The following CHRNB4 variants were observed in gnomAD, a reference collection of about 807,000 sequenced individuals.
CHRNB4 encodes neuronal acetylcholine receptor subunit beta-4.
In CHRNB4, 23 loss-of-function variants were observed where a neutral mutation model predicts 40.4. That is an observed-to-expected ratio of 0.57 (90% CI 0.41 to 0.81). The LOEUF (loss-of-function observed/expected upper bound fraction) is 0.81. CHRNB4 is among the 30% of genes least tolerant of loss of function. CHRNB4 has a pLI of 0.00. For missense variants in CHRNB4, 568 were observed against 670.6 expected (o/e 0.85, Z 1.69); for synonymous variants, 285 against 274.4 (o/e 1.04, Z -0.38).
At chr15:78,639,102 C>G (rs1231906627) in intron 1 of CHRNB4, among the ~76,000 whole-genome samples, 1 of 152,102 alleles carries the variant, frequency 6.6e-6, no homozygotes, top group Non-Finnish European at 1.5e-5. Flanking sequence ...AAAGGTATAT[C>G]CAATCTAAAA....
At chr15:78,637,106 T>G (rs1208585726) in intron 1 of CHRNB4, among the ~76,000 whole-genome samples, 1 of 152,152 alleles carries the variant, frequency 6.6e-6, no homozygotes, top group Non-Finnish European at 1.5e-5. Flanking sequence ...ATCTGGAGCT[T>G]CGAGGAGAGG....
At chr15:78,641,056 C>T in intron 1 of CHRNB4, 23 bp downstream of exon 1, 4 of 1,563,874 alleles carry the variant, frequency 2.6e-6, no homozygotes, top group Non-Finnish European at 3.5e-6. Context: ...GCGCCCCTCC[C>T]TCCTTCCCCG....
chr15:78,651,965 AAT>A (rs2054176055), intron 6 of CHRNB4, among the ~76,000 whole-genome samples: 1 of 152,230 alleles, frequency 6.6e-6, no homozygotes, highest in East Asian at 1.9e-4. Context: ...AGGAAGCCAC[AAT>A]ATACCTGGTA....
exon 4 of CHRNB4, chr15:78,656,618 G>C (rs2054216076): frequency 6.6e-6 from 1 of 152,134 alleles, no homozygotes; most frequent in African/African-American, 2.4e-5. Flanking sequence ...AGGGATGTTG[G>C]GAGCACCCAG....
chr15:78,654,843 C>A (rs992500773), intron 5 of CHRNB4, among the ~76,000 whole-genome samples: 9 of 152,168 alleles, frequency 5.9e-5, no homozygotes, highest in Non-Finnish European at 1.3e-4. Context: ...TTACCAGCAC[C>A]CTAAAAGACC....
At chr15:78,646,774 G>C (rs190917119) in intron 7 of CHRNB4, among the ~76,000 whole-genome samples, 1 of 152,294 alleles carries the variant, frequency 6.6e-6, no homozygotes, top group East Asian at 1.9e-4. Flanking sequence ...TGGAGGCCAG[G>C]ATTTCAACAT....
intron 5 of CHRNB4, chr15:78,655,458 C>T (rs1381467747): frequency 2.9e-5 from 2 of 68,830 alleles, no homozygotes; most frequent in African/African-American, 4.3e-5. Context: ...CTATATATAT[C>T]TATATATCTA....
upstream of CHRNB4, among the ~76,000 whole-genome samples, chr15:78,645,382 G>A (rs2054114655): frequency 1.3e-5 from 2 of 152,106 alleles, no homozygotes; most frequent in African/African-American, 4.8e-5. Flanking sequence ...GGCATGCCAT[G>A]TCTCTTGTTT....
intron 1 of CHRNB4, among the ~76,000 whole-genome samples, chr15:78,637,069 AG>A (rs1359457929): frequency 6.6e-6 from 1 of 152,142 alleles, no homozygotes; most frequent in Non-Finnish European, 1.5e-5. Context: ...CACCAAATGG[AG>A]GGGTCCAGCT....
At chr15:78,634,222 A>T (rs2053896587) in intron 2 of CHRNB4, among the ~76,000 whole-genome samples, 2 of 152,258 alleles carry the variant, frequency 1.3e-5, no homozygotes, top group South Asian at 4.1e-4. Context: ...AGCCGCTATC[A>T]CCCTATAGGG....
intron 6 of CHRNB4, among the ~76,000 whole-genome samples, chr15:78,652,327 A>G (rs1248388867): frequency 6.6e-6 from 1 of 152,194 alleles, no homozygotes; most frequent in East Asian, 1.9e-4. Context: ...TTTATAGATC[A>G]GAGTCATAGG....
upstream of CHRNB4, chr15:78,661,520 G>T (rs1375427120): frequency 5.9e-5 from 32 of 539,162 alleles, no homozygotes; most frequent in South Asian, 2.4e-4. Context: ...TGTACAGCTT[G>T]ACCAACAGCC....
At chr15:78,658,875 T>C (rs2054232955) in intron 1 of CHRNB4, among the ~76,000 whole-genome samples, 1 of 152,198 alleles carries the variant, frequency 6.6e-6, no homozygotes, top group South Asian at 2.1e-4. Flanking sequence ...AGGAGATGCC[T>C]GAAAACCTCT....
rs895809939 is a variant in CHRNB4, at chr15:78,634,587, TAG to T, written c.204+850_204+851del. 6 of 406,076 alleles carry T rather than the reference TAG, an allele frequency of 1.5e-5. 1 individual carries two copies. Among genetic ancestry groups the T allele is most frequent in the Middle Eastern group, 7.2e-4 (2 of 2,786 alleles). The allele number at this position is 406,076 out of a possible 1,614,324, so 25.2% of individuals were successfully genotyped here. A position where few individuals can be genotyped will look rare whatever the true frequency, so the allele number is the denominator to read the frequency against. ...CTGGGTGTGTGTGGGCCAACCGTGC[TAG>T]AGAGAGAGTCTGGCATTTCAGAAGG... On this transcript the variant is annotated intron_variant, in intron 2 of 5. Transcript: ENST00000261751.
In CHRNB4 at chr15:78,641,139, G is replaced by A. The variant is rs1438205379; in HGVS notation, c.-6C>T. The A allele has an allele frequency of 2.3e-5, 36 of 1,553,594 alleles. No individual in the cohort carries two copies. Among genetic ancestry groups the A allele is most frequent in the Non-Finnish European group, 3.0e-5 (34 of 1,151,372 alleles). ...AGGGAAGGCGCGCGCCTCATGGCCG[G>A]CGGGGCCGGGTGGCAGCCGCCGCGA... On this transcript the variant is annotated 5_prime_UTR_variant, in exon 1 of 6. Coordinates refer to ENST00000261751, the MANE Select transcript of CHRNB4 (RefSeq NM_000750.5).
At position 78,631,139 on chromosome 15, in the gene CHRNB4, C is replaced by T. The variant is rs773923621; in HGVS notation, c.296G>A (p.Gly99Asp). The T allele has an allele frequency of 6.2e-7, 1 of 1,614,226 alleles. No homozygotes were observed. Among genetic ancestry groups the T allele is most frequent in the Non-Finnish European group, 8.5e-7 (1 of 1,180,040 alleles). Residue 99 changes from glycine to aspartate, a missense_variant, in exon 4 of 6, where the codon GGT becomes GAT. Gly to Asp is a moderately conservative substitution (Grantham distance 94). Coordinates refer to ENST00000261751, the MANE Select transcript of CHRNB4 (RefSeq NM_000750.5). ...TGCAGGGATCCTCAGGATGTTCACA[C>T]CCTCGTAGCGGGAGCTGTTCCAGGT... Reference protein sequence around the residue: ...RLTWNSSRYEGVNILRIPAKR... With the variant: ...RLTWNSSRYEDVNILRIPAKR...
Position 78,631,188 on chromosome 15 carries a change from G to T in CHRNB4, c.250-3C>A. On this transcript the variant is annotated splice_polypyrimidine_tract_variant and splice_region_variant and intron_variant, in intron 3 of 5. Coordinates refer to ENST00000261751, the MANE Select transcript of CHRNB4 (RefSeq NM_000750.5). Reference sequence around the variant, plus strand: ...GTCAGGCGGTAATCAGTCCATTCCTGGACAGACAGGCAAGGCCCTGTCACT... The same window carrying T: ...GTCAGGCGGTAATCAGTCCATTCCTTGACAGACAGGCAAGGCCCTGTCACT... 6.2e-7 allele frequency: 1 copy of T among 1,614,044 alleles called. No homozygotes were observed.
chr15:78,647,680 A>T (rs1261972213), intron 7 of CHRNB4, among the ~76,000 whole-genome samples: 2 of 134,252 alleles, frequency 1.5e-5, no homozygotes, highest in Non-Finnish European at 1.6e-5. Context: ...CCCCGTCTCT[A>T]CTAAAAATCC....
chr15:78,658,605 AAAAG>A (rs1404151369), intron 1 of CHRNB4, among the ~76,000 whole-genome samples: 1 of 152,190 alleles, frequency 6.6e-6, no homozygotes, highest in Non-Finnish European at 1.5e-5. Context: ...AAAAAAAGAA[AAAAG>A]AAAGTTGTAA....
Sources: allele counts gnomAD v4.1 joint callset (sites outside exome capture counted in the v4.1 genomes callset), GRCh38; gene constraint gnomAD v4.1.1; transcripts MANE v1.5; gene names NCBI Gene and HGNC (gene_info 2026-07-23, HGNC 2026-07-21).